The following ERBB4 variants were observed in gnomAD, a reference collection of about 807,000 sequenced individuals.
ERBB4 encodes receptor tyrosine-protein kinase erbB-4.
Under a neutral mutation model 158.0 loss-of-function variants are expected in ERBB4, and 42 were observed. The observed-to-expected ratio is 0.27, with a 90% CI of 0.21 to 0.34. The LOEUF (loss-of-function observed/expected upper bound fraction) is 0.34, where lower values mean the gene tolerates loss of function less well. Among genes scored for constraint, ERBB4 ranks in the 10% least tolerant of loss-of-function variants. ERBB4 has a pLI of 1.00. For missense variants in ERBB4, 1,333 were observed against 1,624.1 expected (o/e 0.82, Z 3.08); for synonymous variants, 583 against 558.7 (o/e 1.04, Z -0.61).
At chr2:212,513,814 A>AAATAAATAAAT (rs1553656326) in intron 1 of ERBB4, among the ~76,000 whole-genome samples, 6 of 151,778 alleles carry the variant, frequency 4.0e-5, no homozygotes, top group African/African-American at 1.5e-4. Context: ...TCCGTCTCAA[A>AAATAAATAAAT]AAATAAATAA....
intron 20 of ERBB4, among the ~76,000 whole-genome samples, chr2:211,558,896 A>C (rs1376528549): frequency 4.6e-5 from 7 of 152,188 alleles, no homozygotes. Context: ...TCCGGGAATA[A>C]ATGAGAATCA....
chr2:211,889,512 G>T (rs145015849), intron 3 of ERBB4, among the ~76,000 whole-genome samples: 3 of 151,724 alleles, frequency 2.0e-5, no homozygotes, highest in Non-Finnish European at 4.4e-5. Flanking sequence ...CCAAAGGAAC[G>T]CAGCTCCTCA....
At chr2:212,259,384 A>G (rs1559866353) in intron 1 of ERBB4, among the ~76,000 whole-genome samples, 2 of 152,132 alleles carry the variant, frequency 1.3e-5, no homozygotes, top group Non-Finnish European at 2.9e-5. Context: ...AGCCCATTAA[A>G]CGCTCTGACC....
At chr2:211,717,268 G>A (rs961662191) in intron 7 of ERBB4, among the ~76,000 whole-genome samples, 1 of 152,162 alleles carries the variant, frequency 6.6e-6, no homozygotes, top group African/African-American at 2.4e-5. Context: ...CCTCAGTTTT[G>A]TAAGGATGGT....
At chr2:212,011,753 GAA>G (rs796450348) in intron 2 of ERBB4, among the ~76,000 whole-genome samples, 3 of 105,506 alleles carry the variant, frequency 2.8e-5, no homozygotes, top group Non-Finnish European at 2.1e-5. Flanking sequence ...CTGTCTCAAA[GAA>G]AAAAAAAAAA....
chr2:212,269,720 GTT>G (rs1457955712), intron 1 of ERBB4, among the ~76,000 whole-genome samples: 1 of 151,764 alleles, frequency 6.6e-6, no homozygotes, highest in East Asian at 1.9e-4. Flanking sequence ...CTCAAGTCTA[GTT>G]TCTTTCTACT....
chr2:211,738,168 C>G (rs184858091), intron 5 of ERBB4, among the ~76,000 whole-genome samples: 1 of 152,068 alleles, frequency 6.6e-6, no homozygotes, highest in East Asian at 1.9e-4. Context: ...CAAGCTCATA[C>G]TTTCTTTCTT....
chr2:211,567,344 T>C (rs1041272303), intron 19 of ERBB4, among the ~76,000 whole-genome samples: 29 of 152,194 alleles, frequency 1.9e-4, no homozygotes, highest in African/African-American at 7.0e-4. Context: ...TAGCCCTACC[T>C]GCATGAATTG....
At chr2:211,970,868 C>G (rs1188905787) in intron 2 of ERBB4, among the ~76,000 whole-genome samples, 2 of 152,094 alleles carry the variant, frequency 1.3e-5, no homozygotes, top group African/African-American at 4.8e-5. Flanking sequence ...GGCATTTAGC[C>G]TATTTACATT....
At chr2:212,282,278 T>C (rs535296993) in intron 1 of ERBB4, among the ~76,000 whole-genome samples, 21 of 152,050 alleles carry the variant, frequency 1.4e-4, no homozygotes, top group African/African-American at 5.1e-4. Context: ...GCTAAAATAA[T>C]TGTAAACTTG....
At chr2:212,521,223 G>C (rs1472478830) in intron 1 of ERBB4, among the ~76,000 whole-genome samples, 3 of 151,868 alleles carry the variant, frequency 2.0e-5, no homozygotes, top group African/African-American at 7.2e-5. Flanking sequence ...AAAGGACAGA[G>C]GATTTGAGTT....
chr2:212,497,049 G>A (rs899924458), intron 1 of ERBB4, among the ~76,000 whole-genome samples: 3 of 151,646 alleles, frequency 2.0e-5, no homozygotes, highest in African/African-American at 4.8e-5. Flanking sequence ...GTGGTGGCAT[G>A]CGCCTGTAAT....
intron 3 of ERBB4, among the ~76,000 whole-genome samples, chr2:211,899,962 G>T (rs1388507160): frequency 6.6e-6 from 1 of 152,074 alleles, no homozygotes; most frequent in Non-Finnish European, 1.5e-5. Flanking sequence ...ACTCAGTATT[G>T]TACTTTTAAG....
intron 3 of ERBB4, among the ~76,000 whole-genome samples, chr2:211,888,024 A>G (rs561798181): frequency 6.6e-6 from 1 of 152,146 alleles, no homozygotes; most frequent in Non-Finnish European, 1.5e-5. Flanking sequence ...AATAAATTCC[A>G]TTCCTAATAT....
intron 12 of ERBB4, among the ~76,000 whole-genome samples, chr2:211,690,975 G>A (rs1452334543): frequency 2.0e-5 from 3 of 152,044 alleles, no homozygotes; most frequent in Non-Finnish European, 4.4e-5. Flanking sequence ...AATGTGCTTA[G>A]TATTTTGACC....
In ERBB4 at chr2:211,433,806, C is replaced by T. The variant is rs562973477; in HGVS notation, c.2488-2706G>A. On this transcript the variant is annotated intron_variant, in intron 20 of 27. Coordinates refer to ENST00000342788, the MANE Select transcript of ERBB4 (RefSeq NM_005235.3). The stretch of plus-strand genomic sequence containing the variant: ...TTTTTTCTTTAGTCCCCACACTGGG[C>T]GGGGGTCAGTTATTCTCTGTAGCTG... Among the ~76,000 whole-genome samples, 5 of 152,096 alleles carry T rather than the reference C, an allele frequency of 3.3e-5. No homozygotes were observed. In the East Asian group the frequency reaches 7.8e-4, roughly 24 times the overall value.
intron 3 of ERBB4, among the ~76,000 whole-genome samples, chr2:211,820,118 T>G (rs1447786152): frequency 2.6e-5 from 4 of 151,746 alleles, no homozygotes; most frequent in Non-Finnish European, 5.9e-5. Flanking sequence ...AACAGATAAT[T>G]CAAAAGCAGA....
intron 7 of ERBB4, among the ~76,000 whole-genome samples, chr2:211,716,362 CAAAAAAAAAAAAAAAAAAA>C (rs534486221): frequency 0.33 from 23,219 of 70,992 alleles, 2,929 homozygotes; most frequent in Non-Finnish European, 0.37. Flanking sequence ...AACTCTGTCT[CAAAAAAAAAAAAAAAAAAA>C]AAAAAAAAAA....
intron 1 of ERBB4, among the ~76,000 whole-genome samples, chr2:212,485,671 A>G (rs955768797): frequency 6.6e-6 from 1 of 152,236 alleles, no homozygotes; most frequent in African/African-American, 2.4e-5. Context: ...TCAGGCTGCT[A>G]TAACAAAAAA....
Sources: gnomAD v4.1 joint callset for allele counts (sites outside exome capture counted in the v4.1 genomes callset) on GRCh38, gnomAD v4.1.1 for gene constraint, MANE v1.5 for transcripts, NCBI Gene and HGNC (gene_info 2026-07-23, HGNC 2026-07-21) for gene names.